The following NELL1 variants were observed in gnomAD, a reference collection of about 807,000 sequenced individuals.
NELL1 encodes neural EGFL like 1.
In NELL1, 76 loss-of-function variants were observed where a neutral mutation model predicts 107.4. The observed-to-expected ratio is 0.71, with a 90% CI of 0.59 to 0.86. The LOEUF (loss-of-function observed/expected upper bound fraction) is 0.86, where lower values mean the gene tolerates loss of function less well. Ranked by LOEUF, NELL1 falls within the 40% of genes least tolerant of loss-of-function variation. The pLI, the probability that NELL1 is intolerant of heterozygous loss-of-function variation, is 0.00. For synonymous variants in NELL1, 353 were observed against 341.2 expected, an observed-to-expected ratio of 1.03 and a Z score of -0.38; for missense variants, 1,024 against 1,005.5, an observed-to-expected ratio of 1.02 and a Z score of -0.25.
intron 15 of NELL1, among the ~76,000 whole-genome samples, chr11:21,515,416 C>A (rs1855532817): frequency 6.6e-6 from 1 of 152,170 alleles, no homozygotes; most frequent in Non-Finnish European, 1.5e-5. Context: ...TTAACTAATT[C>A]TCTGTGGGGG....
chr11:20,706,635 C>T (rs1366100836), intron 2 of NELL1, among the ~76,000 whole-genome samples: 6 of 151,466 alleles, frequency 4.0e-5, no homozygotes, highest in Non-Finnish European at 7.4e-5. Context: ...CAAACCTGCA[C>T]GTTGTGCACA....
chr11:21,563,968 C>G (rs10833569), intron 17 of NELL1, among the ~76,000 whole-genome samples: 90,162 of 151,744 alleles, frequency 0.59, 26,965 homozygotes, highest in African/African-American at 0.62. Flanking sequence ...TGAAGTGAAT[C>G]ATGAGCTCAA....
intron 14 of NELL1, among the ~76,000 whole-genome samples, chr11:21,288,496 TG>T (rs1849179048): frequency 2.0e-5 from 3 of 152,228 alleles, no homozygotes; most frequent in Non-Finnish European, 4.4e-5. Context: ...TTTTGGTTAC[TG>T]GTCTTACAAA....
In NELL1 at chr11:20,669,710, GA is replaced by G. The variant is rs1243960640; in HGVS notation, c.-13del. Reference sequence around the variant, plus strand: ...GCTTCGGTGCCCCCTGCTAGGCGGGGACCCTCGAGAGCGATGCCGATGGATT... The same window carrying G: ...GCTTCGGTGCCCCCTGCTAGGCGGGGCCCTCGAGAGCGATGCCGATGGATT... On this transcript the variant is annotated 5_prime_UTR_variant, in exon 1 of 20. Transcript: ENST00000357134. The surrounding 1 kb of genome is among the most constrained non-coding windows in gnomAD (Gnocchi z 4.4). The G allele has an allele frequency of 6.2e-7, 1 of 1,612,548 alleles. No homozygotes were observed.
chr11:21,422,774 C>CA (rs150197560), intron 15 of NELL1, among the ~76,000 whole-genome samples: 9,037 of 151,016 alleles, frequency 0.06, 719 homozygotes, highest in African/African-American at 0.18. Flanking sequence ...ATATCAGGGA[C>CA]AAAAAAAATT....
At chr11:21,223,720 A>G (rs1422810108) in intron 13 of NELL1, among the ~76,000 whole-genome samples, 1 of 151,702 alleles carries the variant, frequency 6.6e-6, no homozygotes, top group Admixed American at 6.6e-5. Flanking sequence ...TTCTCTTTGT[A>G]TTTGTTTATC....
At chr11:21,156,816 G>T (rs778555224) in intron 13 of NELL1, among the ~76,000 whole-genome samples, 10 of 152,044 alleles carry the variant, frequency 6.6e-5, no homozygotes, top group Non-Finnish European at 7.4e-5. Context: ...AATTAGGCCA[G>T]ATGCGGTGGC....
At chr11:20,814,217 A>T (rs1262693693) in intron 3 of NELL1, among the ~76,000 whole-genome samples, 1 of 152,108 alleles carries the variant, frequency 6.6e-6, no homozygotes, top group Non-Finnish European at 1.5e-5. Flanking sequence ...GATGGTCTCG[A>T]TCTCCTGACC....
At chr11:21,262,159 C>T (rs1565135717) in intron 14 of NELL1, among the ~76,000 whole-genome samples, 1 of 151,788 alleles carries the variant, frequency 6.6e-6, no homozygotes, top group Non-Finnish European at 1.5e-5. Flanking sequence ...AATCCTCAAA[C>T]TCCCTCTAGT....
At chr11:21,037,330 A>G (rs1853120295) in intron 12 of NELL1, among the ~76,000 whole-genome samples, 1 of 152,126 alleles carries the variant, frequency 6.6e-6, no homozygotes, top group African/African-American at 2.4e-5. Flanking sequence ...GGAACTGCTA[A>G]CCTTGGGCCA....
chr11:21,091,415 A>G (rs943353348), intron 12 of NELL1, among the ~76,000 whole-genome samples: 3 of 152,250 alleles, frequency 2.0e-5, no homozygotes, highest in Admixed American at 2.0e-4. Context: ...GCATGGAAAC[A>G]TGGATAAAAT....
intron 14 of NELL1, among the ~76,000 whole-genome samples, chr11:21,314,133 G>A (rs1014289955): frequency 2.0e-5 from 3 of 151,086 alleles, no homozygotes; most frequent in Non-Finnish European, 2.9e-5. Flanking sequence ...TATACAGCCT[G>A]CAGAACCGAG....
rs374914188 is a variant in NELL1 at position 21,445,042 on chromosome 11, A to T, written c.1645+74094A>T. Reference sequence around the variant, plus strand: ...ACTGATTACATAAAGAAACAAGCAAAAATAAAACTAATAAATGTCTATACT... The same window carrying T: ...ACTGATTACATAAAGAAACAAGCAATAATAAAACTAATAAATGTCTATACT... On this transcript the variant is annotated intron_variant, in intron 15 of 19. Transcript: ENST00000357134. Among the ~76,000 whole-genome samples, 27 of 152,324 alleles carry T rather than the reference A, an allele frequency of 1.8e-4. No homozygotes were observed. In the East Asian group the frequency reaches 4.8e-3, roughly 27 times the overall value.
At chr11:21,386,330 T>A (rs1396415388) in intron 15 of NELL1, among the ~76,000 whole-genome samples, 3 of 151,888 alleles carry the variant, frequency 2.0e-5, no homozygotes, top group Admixed American at 2.0e-4. Context: ...GAAACATAAA[T>A]GAGGACATGT....
At chr11:20,878,037 T>C (rs887977747) in intron 4 of NELL1, among the ~76,000 whole-genome samples, 11 of 152,170 alleles carry the variant, frequency 7.2e-5, no homozygotes, top group African/African-American at 2.7e-4. Flanking sequence ...CATAATCAGA[T>C]TAAGCAGTAA....
chr11:20,872,522 T>C (rs1158899175), intron 4 of NELL1, among the ~76,000 whole-genome samples: 1 of 152,142 alleles, frequency 6.6e-6, no homozygotes, highest in Admixed American at 6.5e-5. Flanking sequence ...CTTATGAATT[T>C]GTATTTTTGA....
chr11:21,208,235 A>G (rs1467264636), intron 13 of NELL1, among the ~76,000 whole-genome samples: 1 of 151,974 alleles, frequency 6.6e-6, no homozygotes, highest in African/African-American at 2.4e-5. Flanking sequence ...CACAATAAAA[A>G]CCGTCTATTC....
At chr11:20,706,876 G>T (rs1854975709) in intron 2 of NELL1, among the ~76,000 whole-genome samples, 1 of 152,098 alleles carries the variant, frequency 6.6e-6, no homozygotes, top group Non-Finnish European at 1.5e-5. Context: ...TCTTCTCAAG[G>T]AGTATCTTTG....
At chr11:20,814,120 C>T (rs1156774037) in intron 3 of NELL1, among the ~76,000 whole-genome samples, 7 of 151,832 alleles carry the variant, frequency 4.6e-5, no homozygotes, top group South Asian at 2.1e-4. Flanking sequence ...CTCAGCCTCC[C>T]GAGTAGTTGG....
Sources: gnomAD v4.1 joint callset for allele counts (sites outside exome capture counted in the v4.1 genomes callset) on GRCh38, gnomAD v4.1.1 for gene constraint, Gnocchi (gnomAD v3.1) non-coding constraint, MANE v1.5 for transcripts, NCBI Gene and HGNC (gene_info 2026-07-23, HGNC 2026-07-21) for gene names.